The following FUT8 variants were observed in gnomAD, a reference collection of about 807,000 sequenced individuals.
FUT8 encodes alpha-(1,6)-fucosyltransferase.
FUT8 carries 29 observed loss-of-function variants against 71.3 expected under a neutral mutation model. That is an observed-to-expected ratio of 0.41 (90% CI 0.30 to 0.55). The LOEUF is 0.55. FUT8 is among the 20% of genes least tolerant of loss of function. The pLI is 0.34. For missense variants in FUT8, 544 were observed against 702.1 expected (o/e 0.77, Z 2.55); for synonymous variants, 254 against 239.3 (o/e 1.06, Z -0.57).
At chr14:65,630,077 A>G (rs1186451149) in intron 6 of FUT8, among the ~76,000 whole-genome samples, 1 of 152,192 alleles carries the variant, frequency 6.6e-6, no homozygotes, top group Non-Finnish European at 1.5e-5. Flanking sequence ...GTAACTGGGA[A>G]AGAACAGTAC....
At chr14:65,591,621 G>A in intron 3 of FUT8, among the ~76,000 whole-genome samples, 1 of 152,094 alleles carries the variant, frequency 6.6e-6, no homozygotes, top group Admixed American at 6.5e-5. Context: ...TTGTGATTTT[G>A]CAAACAGATA....
intron 3 of FUT8, among the ~76,000 whole-genome samples, chr14:65,592,123 G>GT (rs950246386): frequency 6.6e-6 from 1 of 151,892 alleles, no homozygotes; most frequent in African/African-American, 2.4e-5. Flanking sequence ...ATATACAATT[G>GT]TTTTTTTGTC....
At chr14:65,577,820 A>G (rs1886873944) in intron 3 of FUT8, among the ~76,000 whole-genome samples, 1 of 152,170 alleles carries the variant, frequency 6.6e-6, no homozygotes, top group South Asian at 2.1e-4. Flanking sequence ...AATATATACT[A>G]GGTTAAATAG....
chr14:65,673,828 T>A (rs1489570393), intron 7 of FUT8, among the ~76,000 whole-genome samples: 1 of 152,226 alleles, frequency 6.6e-6, no homozygotes, highest in Non-Finnish European at 1.5e-5. Flanking sequence ...GACAGAGTTA[T>A]AAGAAATTGA....
intron 7 of FUT8, among the ~76,000 whole-genome samples, chr14:65,677,151 T>TGCGCGCGCGCGCGC (rs1555383259): frequency 1.8e-5 from 2 of 110,700 alleles, no homozygotes; most frequent in Non-Finnish European, 3.6e-5. Flanking sequence ...TGTGTGTGTG[T>TGCGCGCGCGCGCGC]GCGCGCGCGC....
intron 10 of FUT8, among the ~76,000 whole-genome samples, chr14:65,734,543 G>T (rs956655653): frequency 6.6e-6 from 1 of 152,108 alleles, no homozygotes; most frequent in Non-Finnish European, 1.5e-5. Flanking sequence ...TTCCCATGAA[G>T]GCATCCACTA....
At chr14:65,400,248 A>G in the FUT8 span, among the ~76,000 whole-genome samples, 1 of 152,266 alleles carries the variant, frequency 6.6e-6, no homozygotes, top group East Asian at 1.9e-4. Flanking sequence ...CCGTGCCCCA[A>G]ATCTCATTAA....
intron 3 of FUT8, among the ~76,000 whole-genome samples, chr14:65,600,887 G>A (rs756429907): frequency 3.3e-5 from 5 of 152,150 alleles, no homozygotes; most frequent in Non-Finnish European, 7.4e-5. Context: ...CACATTTGAA[G>A]TGAGCACAGA....
At chr14:65,435,885 G>T (rs1374369544) in intron 1 of FUT8, among the ~76,000 whole-genome samples, 1 of 136,368 alleles carries the variant, frequency 7.3e-6, no homozygotes. Flanking sequence ...TTGACTTTTG[G>T]TGTATTTTTA....
intron 6 of FUT8, among the ~76,000 whole-genome samples, chr14:65,650,319 A>AC (rs1891325223): frequency 6.7e-6 from 1 of 149,398 alleles, no homozygotes; most frequent in Non-Finnish European, 1.5e-5. Context: ...AAAAAAAAAA[A>AC]AAAAAAAACC....
At chr14:65,689,877 T>C (rs1488743131) in intron 7 of FUT8, among the ~76,000 whole-genome samples, 2 of 152,220 alleles carry the variant, frequency 1.3e-5, no homozygotes, top group Non-Finnish European at 2.9e-5. Context: ...AACTTCTCAA[T>C]TGTTTTATTT....
At chr14:65,741,307 A>G (rs1896484313) in intron 10 of FUT8, among the ~76,000 whole-genome samples, 1 of 151,766 alleles carries the variant, frequency 6.6e-6, no homozygotes, top group Non-Finnish European at 1.5e-5. Flanking sequence ...CAAGCATGCC[A>G]CTCTCTACAC....
intron 6 of FUT8, among the ~76,000 whole-genome samples, chr14:65,668,151 A>G (rs565209119): frequency 6.6e-6 from 1 of 152,326 alleles, no homozygotes; most frequent in Non-Finnish European, 1.5e-5. Flanking sequence ...ACCATTGTGG[A>G]TATAGGCCCT....
At chr14:65,700,659 A>G (rs1439409375) in intron 7 of FUT8, among the ~76,000 whole-genome samples, 3 of 152,154 alleles carry the variant, frequency 2.0e-5, no homozygotes, top group East Asian at 1.9e-4. Context: ...TTGGCCTCCC[A>G]AAGTGCTGGG....
At chr14:65,650,707 CAAAAAAAA>C (rs57971519) in intron 6 of FUT8, among the ~76,000 whole-genome samples, 5 of 118,974 alleles carry the variant, frequency 4.2e-5, no homozygotes, top group Admixed American at 8.5e-5. Context: ...CTGCTAATTA[CAAAAAAAA>C]AAAAAAAAAA....
intron 6 of FUT8, among the ~76,000 whole-genome samples, chr14:65,631,362 G>A (rs1454008183): frequency 6.6e-6 from 1 of 151,580 alleles, no homozygotes; most frequent in African/African-American, 2.4e-5. Flanking sequence ...CCTGCCACCT[G>A]TTTTAGTTTC....
At chr14:65,682,875 G>A (rs542880586) in intron 7 of FUT8, among the ~76,000 whole-genome samples, 4 of 152,258 alleles carry the variant, frequency 2.6e-5, no homozygotes, top group African/African-American at 9.6e-5. Context: ...GGGTGCTTCA[G>A]TGCAAGTTAT....
intron 2 of FUT8, among the ~76,000 whole-genome samples, chr14:65,557,145 C>T (rs1443949163): frequency 2.0e-5 from 3 of 152,252 alleles, no homozygotes; most frequent in Non-Finnish European, 2.9e-5. Context: ...ATATTACACT[C>T]GAGCTTCCAG....
rs543370887 is a variant in FUT8 at position 65,436,329 on chromosome 14, C to CT, written c.-325-19289dup. Among the ~76,000 whole-genome samples the CT allele has an allele frequency of 1.4e-4, 22 of 152,190 alleles. No homozygotes were observed. The East Asian group carries it at 4.2e-3, about 29-fold the overall frequency. ...TTAACATTCCGAGAATGCTTATTGGCTTTAAAAAACAATGATAGTGGCCAG... is the reference window on the plus strand; with the variant it reads ...TTAACATTCCGAGAATGCTTATTGGCTTTTAAAAAACAATGATAGTGGCCAG... On this transcript the variant is annotated intron_variant, in intron 1 of 10. Transcript: ENST00000673929.
Sources: allele counts gnomAD v4.1 joint callset (sites outside exome capture counted in the v4.1 genomes callset), GRCh38; gene constraint gnomAD v4.1.1; transcripts MANE v1.5; gene names NCBI Gene and HGNC (gene_info 2026-07-23, HGNC 2026-07-21).